The following CLIP2 variants were observed in gnomAD, a reference collection of about 807,000 sequenced individuals.
CLIP2 encodes CAP-Gly domain containing linker protein 2.
CLIP2 carries 41 observed loss-of-function variants against 111.7 expected under a neutral mutation model. The observed-to-expected ratio is 0.37, with a 90% CI of 0.29 to 0.48. The LOEUF is 0.48. CLIP2 is among the 20% of genes least tolerant of loss of function. The pLI, the probability that CLIP2 is intolerant of heterozygous loss-of-function variation, is 0.99. For synonymous variants in CLIP2, 660 were observed against 644.2 expected (o/e 1.02, Z -0.37); for missense variants, 1,160 against 1,422.1 (o/e 0.82, Z 2.96).
intron 6 of CLIP2, among the ~76,000 whole-genome samples, chr7:74,359,968 A>G (rs1186368805): frequency 6.6e-6 from 1 of 152,172 alleles, no homozygotes; most frequent in Non-Finnish European, 1.5e-5. Flanking sequence ...AGGTGGGCCT[A>G]AGGGTCCTGC....
intron 1 of CLIP2, among the ~76,000 whole-genome samples, chr7:74,300,516 T>C (rs1322855224): frequency 6.6e-6 from 1 of 150,610 alleles, no homozygotes; most frequent in African/African-American, 2.4e-5. Flanking sequence ...AGTGCAGTGG[T>C]GCCATCTCGG....
intron 1 of CLIP2, among the ~76,000 whole-genome samples, chr7:74,297,254 C>T (rs1788196490): frequency 6.6e-6 from 1 of 152,158 alleles, no homozygotes; most frequent in Non-Finnish European, 1.5e-5. Flanking sequence ...AGGAGGATTG[C>T]TTGAGCTCAG....
At position 74,313,375 on chromosome 7, in the gene CLIP2, T is replaced by C. The variant is rs141339897; in HGVS notation, c.-67-4105T>C. ...GAGATCGAGACCATCCTGGCTAACATGGTGAAACCCCGTCTCTACTAAAAA... is the reference window on the plus strand; with the variant it reads ...GAGATCGAGACCATCCTGGCTAACACGGTGAAACCCCGTCTCTACTAAAAA... On this transcript the variant is annotated intron_variant, in intron 1 of 16. Transcript: ENST00000223398. Among the ~76,000 whole-genome samples the C allele has an allele frequency of 1.6e-3, 241 of 151,868 alleles. 1 individual carries two copies. Among genetic ancestry groups the C allele is most frequent in the Admixed American group, 3.0e-3 (45 of 15,232 alleles).
At chr7:74,306,599 G>A (rs1444767110) in intron 1 of CLIP2, among the ~76,000 whole-genome samples, 12 of 152,286 alleles carry the variant, frequency 7.9e-5, no homozygotes, top group African/African-American at 2.4e-4. Context: ...CGCCACCCCC[G>A]GGCAGCTGAA....
chr7:74,347,848 A>T (rs1430149189), intron 3 of CLIP2, among the ~76,000 whole-genome samples: 1 of 152,224 alleles, frequency 6.6e-6, no homozygotes, highest in Non-Finnish European at 1.5e-5. Flanking sequence ...CAGAAGTGTT[A>T]GAAGATAAAG....
chr7:74,304,631 A>AC (rs1171133586), intron 1 of CLIP2, among the ~76,000 whole-genome samples: 1 of 150,104 alleles, frequency 6.7e-6, no homozygotes, highest in Non-Finnish European at 1.5e-5. Flanking sequence ...ACCCATGTGC[A>AC]CCCCATAGGG....
chr7:74,293,121 G>A (rs1334828848), intron 1 of CLIP2, among the ~76,000 whole-genome samples: 1 of 152,184 alleles, frequency 6.6e-6, no homozygotes, highest in Non-Finnish European at 1.5e-5. Context: ...TGGCTTTGAG[G>A]GTGGTGTGGG....
rs201279375 is a variant in CLIP2 at position 74,353,996 on chromosome 7, G to C, written c.795G>C (p.Ala265=). The change falls in exon 4 of 17, where the codon GCG becomes GCC. Residue 265 remains alanine (A), a synonymous_variant. Coordinates refer to ENST00000223398, the MANE Select transcript of CLIP2 (RefSeq NM_003388.5). ...TTGGGAAGAATGATGGGGCGGTGGC[G>C]GGCACCAGGTATGGTGGGCTTCTTC... is the stretch of plus-strand genomic sequence containing the variant. ...EPLGKNDGAV[A]GTRYFQCPPK... is the part of the protein sequence containing the mutation. The C allele has an allele frequency of 1.9e-6, 3 of 1,612,034 alleles. No individual in the cohort carries two copies. The highest frequency in any genetic ancestry group is 2.5e-6 in the Non-Finnish European group (3 of 1,178,622).
intron 1 of CLIP2, among the ~76,000 whole-genome samples, chr7:74,289,999 C>T (rs1022667627): frequency 2.0e-5 from 3 of 152,168 alleles, no homozygotes; most frequent in African/African-American, 7.2e-5. Flanking sequence ...GGCTGCGGGT[C>T]CCCCTGTTGA....
At chr7:74,388,101 G>A (rs113991636) in intron 12 of CLIP2, among the ~76,000 whole-genome samples, 6,059 of 152,080 alleles carry the variant, frequency 0.04, 132 homozygotes, top group Non-Finnish European at 0.054. Flanking sequence ...AGGCCGAAGC[G>A]GGTAGATCAC....
At chr7:74,392,502 C>T (rs140698613) in intron 13 of CLIP2, among the ~76,000 whole-genome samples, 93 of 151,976 alleles carry the variant, frequency 6.1e-4, no homozygotes, top group African/African-American at 2.2e-3. Context: ...ACAGCCTGGG[C>T]GACAGAGCAA....
rs368380206 is a variant in CLIP2, at chr7:74,338,510, G to A, written c.184G>A (p.Glu62Lys). The A allele has an allele frequency of 5.0e-6, 8 of 1,610,454 alleles. No individual in the cohort carries two copies. Among genetic ancestry groups the A allele is most frequent in the Admixed American group, 1.7e-5 (1 of 59,702 alleles). Residue 62 changes from glutamate to lysine, a missense_variant, in exon 3 of 17, where the codon GAG becomes AAG. Coordinates refer to ENST00000223398, the MANE Select transcript of CLIP2 (RefSeq NM_003388.5). This position sits in a 1 kb window ranked among gnomAD's most constrained non-coding sequence, Gnocchi z 4.3. ...CTCCCCGGCCGCAGCTGCTGCCCCC[G>A]AGAAGCCGGGCCCCAAGGCGGCGGA... Reference protein sequence around the residue: ...SSSPAAAAAPEKPGPKAAEVG... With the variant: ...SSSPAAAAAPKKPGPKAAEVG...
intron 1 of CLIP2, among the ~76,000 whole-genome samples, chr7:74,291,134 T>A (rs1788003998): frequency 1.3e-5 from 2 of 152,296 alleles, no homozygotes; most frequent in South Asian, 4.1e-4. Flanking sequence ...TGCATTCTTG[T>A]CTGCAGTGCC....
rs1307712653 is a variant in CLIP2 at position 74,376,850 on chromosome 7, G to A, written c.2421+28G>A. Reference sequence around the variant, plus strand: ...AGGCGCCTGCCCCTCCTGCTGGGGCGGGAGGGTCGGGCTGGGGAGGGCTTG... The same window carrying A: ...AGGCGCCTGCCCCTCCTGCTGGGGCAGGAGGGTCGGGCTGGGGAGGGCTTG... On this transcript the variant is annotated intron_variant, in intron 10 of 16. Transcript: ENST00000223398. This position sits in a 1 kb window ranked among gnomAD's most constrained non-coding sequence, Gnocchi z 7.1. 1.5e-5 allele frequency: 23 copies of A among 1,517,032 alleles called. No homozygotes were observed. The highest frequency in any genetic ancestry group is 1.8e-5 in the Non-Finnish European group (20 of 1,130,990). The allele number at this position is 1,517,032 out of a possible 1,614,324, so 94.0% of individuals were successfully genotyped here.
Position 74,337,954 on chromosome 7 carries a change from T to C in CLIP2, c.122-494T>C, listed in dbSNP as rs549750427. ...GGGACGCTCTGGAGGGCTGGAAGAGTAGGGGGAGACCTGAGGAGGACCTGC... is the reference window on the plus strand; with the variant it reads ...GGGACGCTCTGGAGGGCTGGAAGAGCAGGGGGAGACCTGAGGAGGACCTGC... On this transcript the variant is annotated intron_variant, in intron 2 of 16. Transcript: ENST00000223398. Among the ~76,000 whole-genome samples the C allele has an allele frequency of 1.6e-3, 243 of 151,788 alleles. 1 individual carries two copies. The highest frequency in any genetic ancestry group is 1.2e-3 in the Non-Finnish European group (80 of 67,924).
chr7:74,373,897 G>A (rs532558814), intron 9 of CLIP2, among the ~76,000 whole-genome samples: 125 of 152,208 alleles, frequency 8.2e-4, no homozygotes, highest in African/African-American at 2.9e-3. Flanking sequence ...TTTTGAGGGA[G>A]TGGAGGTGTC....
At chr7:74,388,889 G>A (rs545769917) in intron 12 of CLIP2, 21 of 445,472 alleles carry the variant, frequency 4.7e-5, no homozygotes, top group African/African-American at 3.7e-4. Flanking sequence ...TCAGGAGTTG[G>A]AGGCTGCAAT....
In CLIP2 at chr7:74,389,189, G is replaced by A. The variant is rs782343652; in HGVS notation, c.2650G>A (p.Val884Met). 3.5e-5 allele frequency: 57 copies of A among 1,613,520 alleles called. No individual in the cohort carries two copies. In the East Asian group the frequency reaches 6.5e-4, roughly 18 times the overall value. ...GCGCCTGGAGGCAGAGCTGGAGACC[G>A]TGTCCCGGAAGACCCATGACGCCTC... ...KRRLEAELET[V>M]SRKTHDASGQ... The change falls in exon 13 of 17, where the codon GTG becomes ATG. Residue 884 changes from valine (V) to methionine (M), a missense_variant. Around this residue, in one of 5 missense-constraint regions of CLIP2, gnomAD observed 676 missense variants for 777.8 expected, o/e 0.87. Transcript: ENST00000223398.
chr7:74,345,344 C>T (rs929275232), intron 3 of CLIP2, among the ~76,000 whole-genome samples: 7 of 151,940 alleles, frequency 4.6e-5, no homozygotes, highest in African/African-American at 9.7e-5. Flanking sequence ...AAGCGATTCT[C>T]GTGCCTCAGC....
Sources: gnomAD v4.1 joint callset for allele counts (sites outside exome capture counted in the v4.1 genomes callset) on GRCh38, gnomAD v4.1.1 for gene constraint, gnomAD v4.1.1 regional missense constraint, Gnocchi (gnomAD v3.1) non-coding constraint, MANE v1.5 for transcripts, NCBI Gene and HGNC (gene_info 2026-07-23, HGNC 2026-07-21) for gene names.